The following MAML2 variants were observed in gnomAD, a reference collection of about 807,000 sequenced individuals.
MAML2 encodes mastermind like transcriptional coactivator 2.
MAML2 carries 22 observed loss-of-function variants against 96.1 expected under a neutral mutation model. The observed-to-expected ratio is 0.23, with a 90% CI of 0.16 to 0.33. The LOEUF (loss-of-function observed/expected upper bound fraction) is 0.33, where lower values mean the gene tolerates loss of function less well. Among genes scored for constraint, MAML2 ranks in the 10% least tolerant of loss-of-function variants. MAML2 has a pLI of 1.00. For missense variants in MAML2, 1,367 were observed against 1,392.4 expected (o/e 0.98, Z 0.29); for synonymous variants, 561 against 521.3 (o/e 1.08, Z -1.04).
chr11:96,086,870 C>T (rs1159848393), intron 2 of MAML2, among the ~76,000 whole-genome samples: 1 of 152,138 alleles, frequency 6.6e-6, no homozygotes, highest in Non-Finnish European at 1.5e-5. Context: ...AGATCCCTCC[C>T]TACATTCGAA....
intron 2 of MAML2, among the ~76,000 whole-genome samples, chr11:96,071,362 G>A (rs1859341758): frequency 6.6e-6 from 1 of 152,270 alleles, no homozygotes; most frequent in Non-Finnish European, 1.5e-5. Flanking sequence ...GGAAAGAGCT[G>A]TGTGGAAAAT....
intron 1 of MAML2, among the ~76,000 whole-genome samples, chr11:96,174,452 C>T (rs756310787): frequency 6.6e-6 from 1 of 152,204 alleles, no homozygotes; most frequent in African/African-American, 2.4e-5. Flanking sequence ...GGCACAGTCT[C>T]GGGTCACTGC....
At chr11:96,045,318 C>G (rs6483473) in intron 2 of MAML2, among the ~76,000 whole-genome samples, 70,780 of 151,638 alleles carry the variant, frequency 0.47, 16,521 homozygotes, top group Middle Eastern at 0.56. Flanking sequence ...ATTACGGAAT[C>G]AGAAAAGAAC....
chr11:95,990,491 G>A (rs191559524), intron 3 of MAML2, among the ~76,000 whole-genome samples: 5 of 152,222 alleles, frequency 3.3e-5, no homozygotes, highest in East Asian at 1.9e-4. Context: ...CAGATATTCG[G>A]TAGATAGAAA....
intron 2 of MAML2, among the ~76,000 whole-genome samples, chr11:96,016,156 T>C (rs74789848): frequency 0.016 from 2,435 of 152,022 alleles, 35 homozygotes; most frequent in Middle Eastern, 0.054. Context: ...TCTCTGTATC[T>C]CATGTAGATA....
intron 2 of MAML2, among the ~76,000 whole-genome samples, chr11:96,002,861 G>A (rs1322908608): frequency 3.0e-5 from 4 of 135,382 alleles, no homozygotes; most frequent in Non-Finnish European, 6.3e-5. Context: ...TGATGGGGAT[G>A]ATGAAATGAT....
At chr11:96,247,578 C>T (rs904410312) in intron 1 of MAML2, among the ~76,000 whole-genome samples, 1 of 152,182 alleles carries the variant, frequency 6.6e-6, no homozygotes, top group Non-Finnish European at 1.5e-5. Context: ...GCCACTGCCC[C>T]TGCCCCTGTC....
intron 1 of MAML2, among the ~76,000 whole-genome samples, chr11:96,101,014 G>A (rs912185756): frequency 6.6e-6 from 1 of 152,086 alleles, no homozygotes; most frequent in African/African-American, 2.4e-5. Context: ...CCAAAGTGCT[G>A]GGATTACAGC....
chr11:96,093,547 A>C, intron 1 of MAML2, 30 bp from the exon 2 acceptor site: 1 of 1,415,886 alleles, frequency 7.1e-7, no homozygotes, highest in East Asian at 2.3e-5. Context: ...AAAAAGGAAA[A>C]ATAAGAAATA....
intron 1 of MAML2, among the ~76,000 whole-genome samples, chr11:96,160,710 G>A (rs907366084): frequency 2.6e-5 from 4 of 152,176 alleles, no homozygotes; most frequent in Admixed American, 6.5e-5. Flanking sequence ...TTACAAGCGT[G>A]AGCCACTGAG....
intron 1 of MAML2, among the ~76,000 whole-genome samples, chr11:96,194,878 C>T (rs1861706732): frequency 2.0e-5 from 3 of 152,188 alleles, no homozygotes; most frequent in African/African-American, 7.2e-5. Context: ...TAAAGGAACA[C>T]TGTCAAATAG....
chr11:96,141,562 ACT>A (rs1294321740), intron 1 of MAML2, among the ~76,000 whole-genome samples: 1 of 151,658 alleles, frequency 6.6e-6, no homozygotes, highest in Non-Finnish European at 1.5e-5. Flanking sequence ...GCAAGAAAAA[ACT>A]CATCCTCAGG....
At chr11:96,070,569 T>G (rs1859329418) in intron 2 of MAML2, among the ~76,000 whole-genome samples, 1 of 152,258 alleles carries the variant, frequency 6.6e-6, no homozygotes, top group Non-Finnish European at 1.5e-5. Flanking sequence ...TGCAGAGAGC[T>G]GGTACCTGTG....
chr11:96,039,008 C>T (rs1262296054), intron 2 of MAML2, among the ~76,000 whole-genome samples: 1 of 152,122 alleles, frequency 6.6e-6, no homozygotes, highest in Admixed American at 6.6e-5. Context: ...TCTGTAATCC[C>T]AGCACTTTGG....
chr11:96,303,236 A>T (rs1194802941), intron 1 of MAML2, among the ~76,000 whole-genome samples: 2 of 151,932 alleles, frequency 1.3e-5, no homozygotes, highest in Non-Finnish European at 2.9e-5. Context: ...GAGAGATAAA[A>T]CTCCCTACTC....
chr11:96,093,859 G>A (rs1477522986), intron 1 of MAML2, among the ~76,000 whole-genome samples: 2 of 152,170 alleles, frequency 1.3e-5, no homozygotes, highest in Admixed American at 6.5e-5. Context: ...GTTATTTTCT[G>A]GAGCAAGCCA....
intron 1 of MAML2, among the ~76,000 whole-genome samples, chr11:96,304,016 A>T (rs1445271898): frequency 6.6e-6 from 1 of 152,228 alleles, no homozygotes; most frequent in Non-Finnish European, 1.5e-5. Flanking sequence ...GTGGCCCTCA[A>T]TCTTTATCCA....
At chr11:96,102,056 C>T (rs1188898130) in intron 1 of MAML2, among the ~76,000 whole-genome samples, 1 of 152,170 alleles carries the variant, frequency 6.6e-6, no homozygotes, top group Non-Finnish European at 1.5e-5. Flanking sequence ...GCAGACGGAT[C>T]ACCAGGTCAG....
At chr11:96,006,794 A>C (rs1858184767) in intron 2 of MAML2, among the ~76,000 whole-genome samples, 1 of 150,530 alleles carries the variant, frequency 6.6e-6, no homozygotes, top group Non-Finnish European at 1.5e-5. Flanking sequence ...TCCTGACCTC[A>C]GGTGATCCGC....
Sources: gnomAD v4.1 joint callset for allele counts (sites outside exome capture counted in the v4.1 genomes callset) on GRCh38, gnomAD v4.1.1 for gene constraint, MANE v1.5 for transcripts, NCBI Gene and HGNC (gene_info 2026-07-23, HGNC 2026-07-21) for gene names.